CSPP1: variants seen among roughly 807,000 people sequenced by gnomAD.
CSPP1 encodes centrosome and spindle pole associated protein 1.
CSPP1 carries 126 observed loss-of-function variants against 164.4 expected under a neutral mutation model. That is an observed-to-expected ratio of 0.77 (90% confidence interval 0.66 to 0.89). The LOEUF is 0.89. CSPP1 is among the 40% of genes least tolerant of loss of function. The pLI is 0.00. For missense variants in CSPP1, 1,395 were observed against 1,449.8 expected (o/e 0.96, Z 0.61); for synonymous variants, 472 against 476.7 (o/e 0.99, Z 0.13).
At chr8:67,105,733 A>G (rs143029534) in intron 8 of CSPP1, among the ~76,000 whole-genome samples, 172 bp from the exon 9 acceptor site, 144 of 152,338 alleles carry the variant, frequency 9.5e-4, no homozygotes, top group Admixed American at 1.6e-3. Flanking sequence ...TGCACTGTAT[A>G]AAGAGATAGA....
chr8:67,165,847 C>T (rs572120589), intron 24 of CSPP1, among the ~76,000 whole-genome samples: 49 of 152,308 alleles, frequency 3.2e-4, no homozygotes, highest in African/African-American at 1.2e-3. Flanking sequence ...AAATCTAGCG[C>T]ACCTGCAAGA....
At chr8:67,113,487 A>G (rs1817301802) in intron 10 of CSPP1, among the ~76,000 whole-genome samples, 1 of 152,128 alleles carries the variant, frequency 6.6e-6, no homozygotes. Flanking sequence ...TGTGTACCCT[A>G]AAAGAGGTTT....
rs1184054000 is a variant in CSPP1, at chr8:67,196,446, T to G, written c.*853T>G. ...GTGATACTTCTAAAAAAGGAAAGAG[T>G]CATTCAAATAATTGTGACATTCTGA... On this transcript the variant is annotated 3_prime_UTR_variant, in exon 31 of 31. Coordinates refer to ENST00000678616, the MANE Select transcript of CSPP1 (RefSeq NM_001382391.1). Among the ~76,000 whole-genome samples, 1 of 151,936 alleles carries G rather than the reference T, an allele frequency of 6.6e-6. No individual in the cohort carries two copies. The highest frequency in any genetic ancestry group is 1.5e-5 in the Non-Finnish European group (1 of 67,994).
At chr8:67,066,324 G>A (rs985591401) in intron 1 of CSPP1, among the ~76,000 whole-genome samples, 2 of 152,164 alleles carry the variant, frequency 1.3e-5, no homozygotes, top group African/African-American at 4.8e-5. Context: ...GAGGAAGATG[G>A]AGAACCTTTC....
intron 8 of CSPP1, 94 bp from the exon 9 acceptor site, chr8:67,105,811 T>A: frequency 1.4e-6 from 1 of 712,038 alleles, no homozygotes; most frequent in Admixed American, 2.2e-5. Context: ...TTTGAAAGGC[T>A]AATAATTCAT....
intron 15 of CSPP1, among the ~76,000 whole-genome samples, chr8:67,131,535 T>C (rs916613029): frequency 3.3e-5 from 5 of 152,372 alleles, no homozygotes; most frequent in East Asian, 1.9e-4. Flanking sequence ...ATTACATTGT[T>C]TTATTCTTGA....
At chr8:67,160,913 G>A (rs1290897793) in intron 21 of CSPP1, among the ~76,000 whole-genome samples, 1 of 151,874 alleles carries the variant, frequency 6.6e-6, no homozygotes, top group Non-Finnish European at 1.5e-5. Flanking sequence ...TGCAACTTCC[G>A]CCTCCCAGGT....
chr8:67,193,572 A>C lies in CSPP1; in HGVS notation c.3439A>C (p.Asn1147His), dbSNP rs1351267364. ...AAATGAGGAACGAATGCGAAGACTG[A>C]ATGAATTTCACAATAAACCTATTAA... is the stretch of plus-strand genomic sequence containing the variant. Reference protein sequence around the residue: ...VRNEERMRRLNEFHNKPINTD... With the variant: ...VRNEERMRRLHEFHNKPINTD... Residue 1147 changes from asparagine to histidine, a missense_variant, in exon 30 of 31, where the codon AAT becomes CAT. By Grantham distance (68) the Asn-to-His change is moderately conservative (BLOSUM62 1). Transcript: ENST00000678616. The C allele has an allele frequency of 1.2e-6, 2 of 1,613,626 alleles. No homozygotes were observed. Among genetic ancestry groups the C allele is most frequent in the Admixed American group, 3.3e-5 (2 of 60,012 alleles).
At position 67,154,060 on chromosome 8, in the gene CSPP1, G is replaced by A. The variant is rs1826216486; in HGVS notation, c.2165G>A (p.Gly722Glu). 1 of 1,606,618 alleles carries A rather than the reference G, an allele frequency of 6.2e-7. No homozygotes were observed. Among genetic ancestry groups the A allele is most frequent in the South Asian group, 1.1e-5 (1 of 90,628 alleles). The change falls in exon 19 of 31, where the codon GGA becomes GAA. Residue 722 changes from glycine to glutamate, a missense_variant. Transcript: ENST00000678616. ...ACACAGAGCTCTCCTTTTGCTCGGG[G>A]AAATGTATTTGGTGAGCCTCCAACT... The part of the protein sequence containing the change: ...MQTQSSPFAR[G>E]NVFGEPPTEL...
intron 10 of CSPP1, among the ~76,000 whole-genome samples, chr8:67,113,265 A>G (rs1817248902): frequency 6.6e-6 from 1 of 152,090 alleles, no homozygotes; most frequent in African/African-American, 2.4e-5. Context: ...AAAAACAACA[A>G]CAACAAAATT....
chr8:67,086,695 AT>A, intron 4 of CSPP1: 1 of 415,128 alleles, frequency 2.4e-6, no homozygotes, highest in Non-Finnish European at 4.7e-6. Context: ...ATCTCAAAAT[AT>A]TCTTTAGTTT....
At chr8:67,090,701 T>C (rs1036192590) in intron 4 of CSPP1, among the ~76,000 whole-genome samples, 3 of 152,258 alleles carry the variant, frequency 2.0e-5, no homozygotes, top group African/African-American at 4.8e-5. Flanking sequence ...CTTACATGTC[T>C]GTTTCTGCTA....
intron 28 of CSPP1, among the ~76,000 whole-genome samples, chr8:67,188,751 T>G (rs1835380483): frequency 6.6e-6 from 1 of 152,108 alleles, no homozygotes; most frequent in Admixed American, 6.5e-5. Context: ...TCCAGCGGGG[T>G]GGCACCCACT....
intron 15 of CSPP1, 98 bp downstream of exon 15, chr8:67,118,919 AT>A: frequency 2.7e-6 from 2 of 732,554 alleles, no homozygotes; most frequent in Non-Finnish European, 4.8e-6. Context: ...AGAGTATACT[AT>A]TTAGTGGTAT....
chr8:67,177,837 G>A, intron 27 of CSPP1, 111 bp downstream of exon 27: 1 of 804,292 alleles, frequency 1.2e-6, no homozygotes, highest in Non-Finnish European at 2.2e-6. Context: ...ATTGAATTAA[G>A]AACGTAAGTC....
chr8:67,171,113 G>A (rs941508057), intron 24 of CSPP1, among the ~76,000 whole-genome samples: 2 of 149,160 alleles, frequency 1.3e-5, no homozygotes, highest in African/African-American at 4.9e-5. Context: ...TAAGAGACGG[G>A]GGGCCGGGTG....
chr8:67,178,754 T>C (rs1832284395), intron 27 of CSPP1, among the ~76,000 whole-genome samples: 1 of 151,520 alleles, frequency 6.6e-6, no homozygotes, highest in African/African-American at 2.4e-5. Flanking sequence ...TAAGGAGCAG[T>C]GGGAGAGCCA....
chr8:67,185,029 C>G (rs1157239697), intron 28 of CSPP1, among the ~76,000 whole-genome samples: 1 of 149,058 alleles, frequency 6.7e-6, no homozygotes, highest in African/African-American at 2.5e-5. Context: ...GGCGTGAACC[C>G]GGGAGGCGGA....
chr8:67,090,408 C>G (rs1811367669), intron 4 of CSPP1, among the ~76,000 whole-genome samples: 1 of 152,116 alleles, frequency 6.6e-6, no homozygotes, highest in African/African-American at 2.4e-5. Context: ...GCCTCAGCCT[C>G]CCAAGTAGCT....
Sources: gnomAD v4.1 joint callset for allele counts (sites outside exome capture counted in the v4.1 genomes callset) on GRCh38, gnomAD v4.1.1 for gene constraint, MANE v1.5 for transcripts, NCBI Gene and HGNC (gene_info 2026-07-23, HGNC 2026-07-21) for gene names.